The following EML4 variants were observed in gnomAD, a reference collection of about 807,000 sequenced individuals.
The protein encoded by EML4 is echinoderm microtubule-associated protein-like 4.
In EML4, 72 loss-of-function variants were observed where a neutral mutation model predicts 129.0. The ratio of observed to expected loss-of-function variants is 0.56; its 90% CI spans 0.46 to 0.68. EML4 has a LOEUF of 0.68. EML4 is among the 30% of genes least tolerant of loss of function. EML4 has a pLI of 0.00. For missense variants in EML4, 1,363 were observed against 1,190.6 expected, an observed-to-expected ratio of 1.14 and a Z score of -2.13; for synonymous variants, 532 against 405.0, an observed-to-expected ratio of 1.31 and a Z score of -3.77.
rs74816568 is a variant in EML4, at chr2:42,221,403, C to CTTTTTTTTTTTTTT, written c.26-24091_26-24078dup. ...AGCACATTGTTTACAACATGGTTTA[C>CTTTTTTTTTTTTTT]TTTTTTTTTTTTTTTTTTTTTTTTG... is the stretch of plus-strand genomic sequence containing the variant. On this transcript the variant is annotated intron_variant, in intron 1 of 22. Transcript: ENST00000318522. Among the ~76,000 whole-genome samples the CTTTTTTTTTTTTTT allele has an allele frequency of 3.9e-4, 42 of 108,254 alleles. 2 individuals are homozygous for CTTTTTTTTTTTTTT. The highest frequency in any genetic ancestry group is 1.2e-3 in the African/African-American group (37 of 30,364). The allele number at this position is 108,254 out of a possible 152,430, so 71.0% of individuals were successfully genotyped here.
At chr2:42,190,648 T>C (rs1191853965) in intron 1 of EML4, among the ~76,000 whole-genome samples, 3 of 152,206 alleles carry the variant, frequency 2.0e-5, no homozygotes, top group African/African-American at 7.2e-5. Context: ...CTAGATGAAA[T>C]TACTTATGAT....
intron 21 of EML4, among the ~76,000 whole-genome samples, chr2:42,327,147 G>A (rs1009050691): frequency 1.4e-4 from 21 of 152,110 alleles, no homozygotes; most frequent in African/African-American, 4.8e-4. Flanking sequence ...CGTTTTCAAG[G>A]TTTATCCACG....
At chr2:42,219,763 C>A (rs571492247) in intron 1 of EML4, among the ~76,000 whole-genome samples, 1 of 150,244 alleles carries the variant, frequency 6.7e-6, no homozygotes. Context: ...ACTAAAAATA[C>A]AAAAAAAAAT....
intron 1 of EML4, among the ~76,000 whole-genome samples, chr2:42,236,777 T>C (rs1270214896): frequency 1.3e-5 from 2 of 152,166 alleles, no homozygotes; most frequent in African/African-American, 4.8e-5. Flanking sequence ...TTTCTACCAG[T>C]GATGTTGGAG....
intron 2 of EML4, among the ~76,000 whole-genome samples, chr2:42,250,621 C>T (rs1004259718): frequency 6.6e-6 from 1 of 151,850 alleles, no homozygotes; most frequent in African/African-American, 2.4e-5. Context: ...TGTACTTGCA[C>T]AAACCTAGAT....
At chr2:42,313,447 A>C (rs913651939) in intron 17 of EML4, among the ~76,000 whole-genome samples, 1 of 152,182 alleles carries the variant, frequency 6.6e-6, no homozygotes, top group African/African-American at 2.4e-5. Context: ...CTTTGTAGAC[A>C]AGGTAAAAAA....
intron 1 of EML4, among the ~76,000 whole-genome samples, chr2:42,211,978 A>T: frequency 6.6e-6 from 1 of 152,002 alleles, no homozygotes. Context: ...CCAAGTAGCT[A>T]GGACTACAGG....
At chr2:42,222,803 T>G (rs933528647) in intron 1 of EML4, among the ~76,000 whole-genome samples, 1 of 152,000 alleles carries the variant, frequency 6.6e-6, no homozygotes. Flanking sequence ...TTTGTTTTGT[T>G]TTGTTTTGTT....
At chr2:42,234,396 C>T (rs997873660) in intron 1 of EML4, among the ~76,000 whole-genome samples, 1 of 152,130 alleles carries the variant, frequency 6.6e-6, no homozygotes, top group East Asian at 1.9e-4. Context: ...GTGGTGGGAA[C>T]GGAAGACAGC....
At chr2:42,230,237 G>A (rs897028950) in intron 1 of EML4, among the ~76,000 whole-genome samples, 2 of 152,104 alleles carry the variant, frequency 1.3e-5, no homozygotes, top group African/African-American at 4.8e-5. Flanking sequence ...TGCTTTGCAG[G>A]TGTAGAGGAA....
intron 13 of EML4, among the ~76,000 whole-genome samples, chr2:42,299,407 C>T (rs1303495780): frequency 2.0e-5 from 3 of 152,046 alleles, no homozygotes; most frequent in Non-Finnish European, 4.4e-5. Flanking sequence ...TGAAATCTAC[C>T]CTGTTGAAGT....
At chr2:42,224,663 A>T (rs1673835412) in intron 1 of EML4, among the ~76,000 whole-genome samples, 1 of 151,956 alleles carries the variant, frequency 6.6e-6, no homozygotes, top group Non-Finnish European at 1.5e-5. Context: ...TTACATTCCC[A>T]CTAGCAGTAT....
chr2:42,273,713 A>G (rs1364420091), intron 6 of EML4, among the ~76,000 whole-genome samples: 1 of 152,226 alleles, frequency 6.6e-6, no homozygotes, highest in East Asian at 1.9e-4. Context: ...GCTAGCTAAT[A>G]AAACTACTAA....
At chr2:42,278,213 C>T (rs1388964496) in intron 6 of EML4, among the ~76,000 whole-genome samples, 3 of 152,144 alleles carry the variant, frequency 2.0e-5, no homozygotes, top group African/African-American at 7.2e-5. Context: ...ATGTAGGTCA[C>T]TGGGATGCTA....
intron 13 of EML4, among the ~76,000 whole-genome samples, chr2:42,300,220 C>G (rs1167347539): frequency 6.6e-6 from 1 of 152,142 alleles, no homozygotes; most frequent in Non-Finnish European, 1.5e-5. Flanking sequence ...AAGGTTCTAC[C>G]TTCCCATTTT....
chr2:42,245,516 T>C lies in EML4; in HGVS notation c.37T>C (p.Ser13Pro). ...ATTTTATTTTATAGATGATAGTATT[T>C]CTGCTGCAAGTACTTCTGATGTTCA... ...GFAGSLDDSI[S>P]AASTSDVQDR... Residue 13 changes from serine to proline, a missense_variant, in exon 2 of 23, where the codon TCT (serine) becomes CCT (proline). By Grantham distance (74) the Ser-to-Pro change is moderately conservative. Coordinates refer to ENST00000318522, the MANE Select transcript of EML4 (RefSeq NM_019063.5). 6.2e-7 allele frequency: 1 copy of C among 1,611,538 alleles called. No individual in the cohort carries two copies. Among genetic ancestry groups the C allele is most frequent in the Non-Finnish European group, 8.5e-7 (1 of 1,178,244 alleles).
chr2:42,279,687 G>A (rs1481656362), intron 6 of EML4, among the ~76,000 whole-genome samples: 3 of 151,724 alleles, frequency 2.0e-5, no homozygotes, highest in Admixed American at 1.3e-4. Flanking sequence ...TGTTAGCCAC[G>A]ATGGTCTCAA....
chr2:42,280,626 G>A (rs1486987971), intron 6 of EML4, among the ~76,000 whole-genome samples: 2 of 152,150 alleles, frequency 1.3e-5, no homozygotes, highest in Non-Finnish European at 2.9e-5. Flanking sequence ...TTTTGTATCA[G>A]GAAATTGAGC....
At chr2:42,186,510 A>G (rs1671259441) in intron 1 of EML4, among the ~76,000 whole-genome samples, 1 of 152,110 alleles carries the variant, frequency 6.6e-6, no homozygotes, top group South Asian at 2.1e-4. Context: ...TTTGAGAATC[A>G]TTTTCTTTTC....
Sources: gnomAD v4.1 joint callset for allele counts (sites outside exome capture counted in the v4.1 genomes callset) on GRCh38, gnomAD v4.1.1 for gene constraint, MANE v1.5 for transcripts, NCBI Gene and HGNC (gene_info 2026-07-23, HGNC 2026-07-21) for gene names.